The following CSPG5 variants were observed in gnomAD, a reference collection of about 807,000 sequenced individuals.
CSPG5 encodes acidic leucine-rich EGF-like domain-containing brain protein.
Under a neutral mutation model 39.8 loss-of-function variants are expected in CSPG5, and 25 were observed. The observed-to-expected ratio is 0.63, with a 90% CI of 0.46 to 0.88. CSPG5 has a LOEUF of 0.88. Among genes scored for constraint, CSPG5 ranks in the 40% least tolerant of loss-of-function variants. The probability of loss-of-function intolerance (pLI) is 0.00; values close to 1 mark genes in which losing one functional copy is unlikely to be tolerated. For synonymous variants in CSPG5, 295 were observed against 303.9 expected (o/e 0.97, Z 0.31); for missense variants, 627 against 702.2 (o/e 0.89, Z 1.21).
At chr3:47,563,871 G>A (rs2031189593) in intron 4 of CSPG5, among the ~76,000 whole-genome samples, 1 of 152,130 alleles carries the variant, frequency 6.6e-6, no homozygotes, top group Non-Finnish European at 1.5e-5. Context: ...CCTCTTAAAG[G>A]TTCTCAGGAA....
intron 3 of CSPG5, 75 bp from the exon 4 acceptor site, chr3:47,569,302 T>C (rs1470747985): frequency 6.8e-7 from 1 of 1,477,414 alleles, no homozygotes; most frequent in Non-Finnish European, 9.4e-7. Flanking sequence ...TCTCAGCTTC[T>C]GGATCAAATA....
rs1424216703 is a variant in CSPG5 at position 47,577,546 on chromosome 3, C to T, written c.480G>A (p.Lys160=). Residue 160 remains lysine (K), a synonymous_variant, in exon 2 of 5, where the codon AAG becomes AAA. Coordinates refer to ENST00000264723, the MANE Select transcript of CSPG5 (RefSeq NM_006574.4). The surrounding 1 kb of genome is among the most constrained non-coding windows in gnomAD (Gnocchi z 4.7). ...TGGGGAGTTCAGAAGCTGGGCTCAG[C>T]TTGTCGCCGGGGGTGGGGGAGGGTG... ...SGPPSPTPGD[K]LSPASELPKE... 1.9e-6 allele frequency: 3 copies of T among 1,607,790 alleles called. No homozygotes were observed. The highest frequency in any genetic ancestry group is 2.5e-6 in the Non-Finnish European group (3 of 1,176,940).
rs1034763766 is a variant in CSPG5 at position 47,577,373 on chromosome 3, C to T, written c.653G>A (p.Gly218Asp). Reference sequence around the variant, plus strand: ...CCCCAGATCTGCGCCACGACCCTCACCATCCAGTCCTTCGAAGTAGTCGAT... The same window carrying T: ...CCCCAGATCTGCGCCACGACCCTCATCATCCAGTCCTTCGAAGTAGTCGAT... ...IDIDYFEGLD[G>D]EGRGADLGSF... The change falls in exon 2 of 5, where the codon GGT becomes GAT. Residue 218 changes from glycine (G) to aspartate (D), a missense_variant. By Grantham distance (94) the Gly-to-Asp change is moderately conservative (BLOSUM62 -1). Coordinates refer to ENST00000264723, the MANE Select transcript of CSPG5 (RefSeq NM_006574.4). The surrounding 1 kb of genome is among the most constrained non-coding windows in gnomAD (Gnocchi z 4.7). 3 of 1,614,066 alleles carry T rather than the reference C, an allele frequency of 1.9e-6. No homozygotes were observed. The highest frequency in any genetic ancestry group is 1.3e-5 in the African/African-American group (1 of 74,934).
rs1210600330 is a variant in CSPG5, at chr3:47,577,070, C to T, written c.956G>A (p.Arg319Gln). 1.2e-6 allele frequency: 2 copies of T among 1,613,630 alleles called. No homozygotes were observed. Among genetic ancestry groups the T allele is most frequent in the South Asian group, 2.2e-5 (2 of 91,078 alleles). Residue 319 changes from arginine to glutamine, a missense_variant, in exon 2 of 5, where the codon CGG becomes CAG. Coordinates refer to ENST00000264723, the MANE Select transcript of CSPG5 (RefSeq NM_006574.4). This position sits in a 1 kb window ranked among gnomAD's most constrained non-coding sequence, Gnocchi z 4.7. ...GTGCTGTGGAGGGACAGCATGCCACCGACTGGTGGGCTGGCCTGTCCCGGG... is the reference window on the plus strand; with the variant it reads ...GTGCTGTGGAGGGACAGCATGCCACTGACTGGTGGGCTGGCCTGTCCCGGG... Reference protein sequence around the residue: ...LGPGTGQPTSRWHAVPPQHTL... With the variant: ...LGPGTGQPTSQWHAVPPQHTL...
intron 4 of CSPG5, among the ~76,000 whole-genome samples, chr3:47,566,550 A>G (rs1472619314): frequency 6.6e-6 from 1 of 152,194 alleles, no homozygotes; most frequent in Non-Finnish European, 1.5e-5. Context: ...CCACCACTAC[A>G]TTCCTTGCTG....
intron 2 of CSPG5, among the ~76,000 whole-genome samples, chr3:47,574,324 G>T (rs2031629457): frequency 6.6e-6 from 1 of 152,080 alleles, no homozygotes; most frequent in Non-Finnish European, 1.5e-5. Flanking sequence ...TACTATTATG[G>T]GGAGTTCACT....
chr3:47,578,588 C>A lies in CSPG5; in HGVS notation c.97+9G>T. ...GGGCCGCGGGGGTCCCGGGCGCAGT[C>A]ATACCTACCCGGCACGGCCCCAGAG... On this transcript the variant is annotated intron_variant, in intron 1 of 4. Coordinates refer to ENST00000264723, the MANE Select transcript of CSPG5 (RefSeq NM_006574.4). This position sits in a 1 kb window ranked among gnomAD's most constrained non-coding sequence, Gnocchi z 6.0. 8.9e-7 allele frequency: 1 copy of A among 1,120,156 alleles called. No homozygotes were observed. The highest frequency in any genetic ancestry group is 4.2e-5 in the South Asian group (1 of 23,916). The allele number at this position is 1,120,156 out of a possible 1,614,324, so 69.4% of individuals were successfully genotyped here.
chr3:47,571,465 G>C (rs2031526014), intron 3 of CSPG5, among the ~76,000 whole-genome samples: 1 of 152,238 alleles, frequency 6.6e-6, no homozygotes, highest in Admixed American at 6.5e-5. Flanking sequence ...GGATACCCCT[G>C]CTCACCCACC....
In CSPG5 at chr3:47,578,367, C is replaced by T. The variant is rs1348571257; in HGVS notation, c.97+230G>A. 1.3e-5 allele frequency among the ~76,000 whole-genome samples: 2 copies of T among 150,064 alleles called. No individual in the cohort carries two copies. Among genetic ancestry groups the T allele is most frequent in the Non-Finnish European group, 3.0e-5 (2 of 67,214 alleles). The stretch of plus-strand genomic sequence containing the variant: ...CCGGCCCCGCCCCCAGTCCGCACCG[C>T]GGCCCGCGCGCTTGGGTCCCGGCTA... On this transcript the variant is annotated intron_variant, in intron 1 of 4. Coordinates refer to ENST00000264723, the MANE Select transcript of CSPG5 (RefSeq NM_006574.4). This position sits in a 1 kb window ranked among gnomAD's most constrained non-coding sequence, Gnocchi z 6.0.
chr3:47,577,329 C>T lies in CSPG5; in HGVS notation c.697G>A (p.Gly233Arg). 2 of 1,613,896 alleles carry T rather than the reference C, an allele frequency of 1.2e-6. No individual in the cohort carries two copies. The highest frequency in any genetic ancestry group is 1.7e-6 in the Non-Finnish European group (2 of 1,179,866). The change falls in exon 2 of 5, where the codon GGA becomes AGA. Residue 233 changes from glycine (G) to arginine (R), a missense_variant. Transcript: ENST00000264723. The surrounding 1 kb of genome is among the most constrained non-coding windows in gnomAD (Gnocchi z 4.7). ...ADLGSFPGSP[G>R]TSENHPDTEG... ...GTATCAGGGTGGTTCTCTGAGGTTC[C>T]TGGTGACCCTGGGAAGCTCCCCAGA... is the stretch of plus-strand genomic sequence containing the variant.
chr3:47,565,807 G>T (rs1216478480), intron 4 of CSPG5, among the ~76,000 whole-genome samples: 2 of 152,226 alleles, frequency 1.3e-5, no homozygotes, highest in Non-Finnish European at 2.9e-5. Context: ...ACCGTTGTGA[G>T]GACCATCAGG....
rs1559616769 is a variant in CSPG5 at position 47,578,553 on chromosome 3, T to C, written c.97+44A>G. The C allele has an allele frequency of 1.4e-6, 1 of 692,496 alleles. No homozygotes were observed. 42.9% of individuals were successfully genotyped at this position (692,496 alleles called of 1,614,324 possible). On this transcript the variant is annotated intron_variant, in intron 1 of 4. Coordinates refer to ENST00000264723, the MANE Select transcript of CSPG5 (RefSeq NM_006574.4). This position sits in a 1 kb window ranked among gnomAD's most constrained non-coding sequence, Gnocchi z 6.0. ...CCGCCAGCGGGACCCCTGCCCTGGG[T>C]GGGGCACGAGGGCCGCGGGGGTCCC...
In CSPG5 at chr3:47,572,306, G is replaced by C. The variant is rs2031555990; in HGVS notation, c.1382+380C>G. Among the ~76,000 whole-genome samples the C allele has an allele frequency of 6.6e-6, 1 of 152,192 alleles. No individual in the cohort carries two copies. Among genetic ancestry groups the C allele is most frequent in the Non-Finnish European group, 1.5e-5 (1 of 68,042 alleles). ...GAATGAAATCTCGCACTGGCCGCTG[G>C]CTGTCACAGTCCAGGGAAGAAGGGT... On this transcript the variant is annotated intron_variant, in intron 3 of 4. Coordinates refer to ENST00000264723, the MANE Select transcript of CSPG5 (RefSeq NM_006574.4). This position sits in a 1 kb window ranked among gnomAD's most constrained non-coding sequence, Gnocchi z 4.5.
intron 4 of CSPG5, among the ~76,000 whole-genome samples, chr3:47,564,690 T>A (rs1404753306): frequency 6.6e-6 from 1 of 152,046 alleles, no homozygotes; most frequent in African/African-American, 2.4e-5. Flanking sequence ...AAGATCTCCA[T>A]CATACACTGA....
intron 4 of CSPG5, among the ~76,000 whole-genome samples, chr3:47,565,885 C>T (rs187567131): frequency 9.5e-4 from 145 of 152,326 alleles, no homozygotes; most frequent in African/African-American, 3.2e-3. Flanking sequence ...GCCTGGAGCA[C>T]GGGCAGCTTC....
At position 47,577,713 on chromosome 3, in the gene CSPG5, T is replaced by G. The variant is rs763485103; in HGVS notation, c.313A>C (p.Ser105Arg). 3 of 1,580,856 alleles carry G rather than the reference T, an allele frequency of 1.9e-6. No homozygotes were observed. The highest frequency in any genetic ancestry group is 2.3e-5 in the South Asian group (2 of 87,016). ...GCGGTCACTCCTCCCAGGCCTGGGC[T>G]GTCAGCTTCCAGCCAGGCGGTGCCG... is the stretch of plus-strand genomic sequence containing the variant. ...VTGTAWLEADSPGLGGVTAEA... is the reference protein window; with the variant it reads ...VTGTAWLEADRPGLGGVTAEA... Residue 105 changes from serine (S) to arginine (R), a missense_variant, in exon 2 of 5, where the codon AGC becomes CGC. Coordinates refer to ENST00000264723, the MANE Select transcript of CSPG5 (RefSeq NM_006574.4). This position sits in a 1 kb window ranked among gnomAD's most constrained non-coding sequence, Gnocchi z 4.7.
chr3:47,572,896 A>C lies in CSPG5; in HGVS notation c.1194-22T>G, dbSNP rs2108201999. 1 of 1,595,794 alleles carries C rather than the reference A, an allele frequency of 6.3e-7. No individual in the cohort carries two copies. The highest frequency in any genetic ancestry group is 2.3e-5 in the East Asian group (1 of 44,440). On this transcript the variant is annotated intron_variant, in intron 2 of 4. Transcript: ENST00000264723. The surrounding 1 kb of genome is among the most constrained non-coding windows in gnomAD (Gnocchi z 4.5). ...GCACCTGCAGCAGCGACATTGAGAA[A>C]CCGTGGCGATGGAGCAGGCAGCCAC... is the stretch of plus-strand genomic sequence containing the variant.
rs535944366 is a variant in CSPG5 at position 47,572,712 on chromosome 3, C to T, written c.1356G>A (p.Thr452=). The stretch of plus-strand genomic sequence containing the variant: ...TGGTCCTACGCAGCTTGGTATTCTC[C>T]GTCTTGAGCAGGTAGAGCTTCTTGG... ...FFAKKLYLLK[T]ENTKLRRTNK... The change falls in exon 3 of 5, where the codon ACG becomes ACA. Residue 452 remains threonine (T), a synonymous_variant. Coordinates refer to ENST00000264723, the MANE Select transcript of CSPG5 (RefSeq NM_006574.4). The surrounding 1 kb of genome is among the most constrained non-coding windows in gnomAD (Gnocchi z 4.5). 36 of 1,614,098 alleles carry T rather than the reference C, an allele frequency of 2.2e-5. No homozygotes were observed. Among genetic ancestry groups the T allele is most frequent in the Admixed American group, 1.3e-4 (8 of 60,016 alleles).
At chr3:47,563,806 G>A (rs777404508) in intron 4 of CSPG5, among the ~76,000 whole-genome samples, 5 of 152,068 alleles carry the variant, frequency 3.3e-5, no homozygotes, top group African/African-American at 4.8e-5. Flanking sequence ...CACCCACCTC[G>A]GCCTCCCAAA....
Sources: allele counts gnomAD v4.1 joint callset (sites outside exome capture counted in the v4.1 genomes callset), GRCh38; gene constraint gnomAD v4.1.1; non-coding constraint Gnocchi (gnomAD v3.1); transcripts MANE v1.5; gene names NCBI Gene and HGNC (gene_info 2026-07-23, HGNC 2026-07-21).